The following TMEM275 variants were observed in gnomAD, a reference collection of about 807,000 sequenced individuals.
TMEM275 encodes the protein transmembrane protein 275.
chr1:46,533,097 C>A lies in TMEM275; in HGVS notation c.431G>T (p.Gly144Val), dbSNP rs989239548. ...GGCCTCCAGGGCGAGGGGGCTGGGGCCGGGGCTGGAGCAGCCGGAGGACGC... is the reference window on the plus strand; with the variant it reads ...GGCCTCCAGGGCGAGGGGGCTGGGGACGGGGCTGGAGCAGCCGGAGGACGC... Residue 144 changes from glycine to valine, a missense_variant, in exon 2 of 2, where the codon GGC becomes GTC. Transcript: ENST00000634804. The surrounding 1 kb of genome is among the most constrained non-coding windows in gnomAD (Gnocchi z 4.4). The A allele has an allele frequency of 2.5e-6, 1 of 392,488 alleles. No homozygotes were observed. Among genetic ancestry groups the A allele is most frequent in the Non-Finnish European group, 4.5e-6 (1 of 222,528 alleles). 24.3% of individuals were successfully genotyped at this position (392,488 alleles called of 1,614,324 possible).
Position 46,533,618 on chromosome 1 carries a change from T to G in TMEM275, c.-91A>C. 1 of 367,808 alleles carries G rather than the reference T, an allele frequency of 2.7e-6. No homozygotes were observed. The highest frequency in any genetic ancestry group is 4.8e-6 in the Non-Finnish European group (1 of 207,108). 22.8% of individuals were successfully genotyped at this position (367,808 alleles called of 1,614,324 possible). A position where few individuals can be genotyped will look rare whatever the true frequency, so the allele number is the denominator to read the frequency against. On this transcript the variant is annotated 5_prime_UTR_variant, in exon 2 of 2. Coordinates refer to ENST00000634804, the Ensembl canonical transcript of TMEM275. The surrounding 1 kb of genome is among the most constrained non-coding windows in gnomAD (Gnocchi z 4.4). Reference sequence around the variant, plus strand: ...CAGGAGCCTCCTCACGCTGGTCCTGTGGGCAACTGCCAGGAGCCTCCTCAC... The same window carrying G: ...CAGGAGCCTCCTCACGCTGGTCCTGGGGGCAACTGCCAGGAGCCTCCTCAC...
chr1:46,534,512 G>A (rs1224805776), intron 1 of TMEM275, among the ~76,000 whole-genome samples: 2 of 152,160 alleles, frequency 1.3e-5, no homozygotes, highest in Non-Finnish European at 2.9e-5. Flanking sequence ...CCTAATTGCT[G>A]GATGCTAGAA....
chr1:46,535,216 C>T (rs1471150254), intron 1 of TMEM275, among the ~76,000 whole-genome samples: 1 of 152,124 alleles, frequency 6.6e-6, no homozygotes, highest in Non-Finnish European at 1.5e-5. Flanking sequence ...ACACAGGATG[C>T]GCAGGTCAGA....
chr1:46,533,546 C>A lies in TMEM275; in HGVS notation c.-19G>T. ...GCGGCATCGGCCTGCGCACGCCAGG[C>A]ACGCATCAAGCTCCCTCCTGCCGCC... On this transcript the variant is annotated 5_prime_UTR_variant, in exon 2 of 2. Coordinates refer to ENST00000634804, the Ensembl canonical transcript of TMEM275. This position sits in a 1 kb window ranked among gnomAD's most constrained non-coding sequence, Gnocchi z 4.4. The A allele has an allele frequency of 2.6e-6, 1 of 388,332 alleles. No homozygotes were observed. Among genetic ancestry groups the A allele is most frequent in the Admixed American group, 4.5e-5 (1 of 22,382 alleles). The allele number at this position is 388,332 out of a possible 1,614,324, so 24.1% of individuals were successfully genotyped here. A position where few individuals can be genotyped will look rare whatever the true frequency, so the allele number is the denominator to read the frequency against.
intron 1 of TMEM275, among the ~76,000 whole-genome samples, 78 bp from the exon 3 acceptor site, chr1:46,534,119 C>T (rs1181152140): frequency 6.6e-6 from 1 of 151,912 alleles, no homozygotes; most frequent in Non-Finnish European, 1.5e-5. Context: ...AATCATCTGA[C>T]CTTGCCCCCC....
exon 2 of TMEM275, chr1:46,532,862 G>C: frequency 2.6e-6 from 1 of 384,874 alleles, no homozygotes; most frequent in Non-Finnish European, 4.6e-6. Context: ...CCAGACCCTT[G>C]TAAAAAAGAA....
At chr1:46,532,768 T>C (rs966114501) in exon 2 of TMEM275, 2 of 363,806 alleles carry the variant, frequency 5.5e-6, no homozygotes, top group Non-Finnish European at 9.8e-6. Flanking sequence ...TGCTCCCTTC[T>C]TTGGGGTGTG....
At chr1:46,532,905 TTTTTC>T (rs1205326464) in exon 2 of TMEM275, 6 of 389,624 alleles carry the variant, frequency 1.5e-5, no homozygotes, top group African/African-American at 8.3e-5. Context: ...TTCTTTTTTC[TTTTTC>T]TTTTCTTTCT....
exon 2 of TMEM275, chr1:46,532,617 T>G (rs1666681650): frequency 6.0e-6 from 1 of 166,414 alleles, no homozygotes; most frequent in African/African-American, 2.4e-5. Flanking sequence ...TCAGGGTGGG[T>G]GCTCCTTGGT....
chr1:46,533,468 C>G lies in TMEM275; in HGVS notation c.60G>C (p.Arg20=), dbSNP rs1229893229. The G allele has an allele frequency of 1.3e-5, 5 of 387,748 alleles. No homozygotes were observed. In the South Asian group the frequency reaches 3.8e-4, roughly 30 times the overall value. The allele number at this position is 387,748 out of a possible 1,614,324, so 24.0% of individuals were successfully genotyped here. ...GCGACGGCAGGCCGGGCACCCGGCC[C>G]CGGGCGCGTTCCGCGGGCGCCGGGA... Residue 20 remains arginine (R), a synonymous_variant, in exon 2 of 2, where the codon CGG becomes CGC. Transcript: ENST00000634804. The surrounding 1 kb of genome is among the most constrained non-coding windows in gnomAD (Gnocchi z 4.4).
rs1387599630 is a variant in TMEM275, at chr1:46,533,549, G to T, written c.-22C>A. The T allele has an allele frequency of 5.2e-6, 2 of 387,784 alleles. No homozygotes were observed. The highest frequency in any genetic ancestry group is 6.4e-4 in the Middle Eastern group (1 of 1,552). The allele number at this position is 387,784 out of a possible 1,614,324, so 24.0% of individuals were successfully genotyped here. A position where few individuals can be genotyped will look rare whatever the true frequency, so the allele number is the denominator to read the frequency against. On this transcript the variant is annotated 5_prime_UTR_variant, in exon 2 of 2. Transcript: ENST00000634804. The surrounding 1 kb of genome is among the most constrained non-coding windows in gnomAD (Gnocchi z 4.4). ...GCATCGGCCTGCGCACGCCAGGCAC[G>T]CATCAAGCTCCCTCCTGCCGCCGGC...
intron 1 of TMEM275, among the ~76,000 whole-genome samples, chr1:46,535,419 T>C (rs1173606192): frequency 6.6e-6 from 1 of 152,054 alleles, no homozygotes; most frequent in Non-Finnish European, 1.5e-5. Context: ...TGAGGGCATC[T>C]ACAGACCACA....
At position 46,533,751 on chromosome 1, in the gene TMEM275, A is replaced by C. The variant is rs1177737259; in HGVS notation, c.-123-101T>G. 3 of 360,424 alleles carry C rather than the reference A, an allele frequency of 8.3e-6. No individual in the cohort carries two copies. The highest frequency in any genetic ancestry group is 4.2e-5 in the African/African-American group (2 of 47,272). 22.3% of individuals were successfully genotyped at this position (360,424 alleles called of 1,614,324 possible). On this transcript the variant is annotated intron_variant, in intron 1 of 1. Coordinates refer to ENST00000634804, the Ensembl canonical transcript of TMEM275. This position sits in a 1 kb window ranked among gnomAD's most constrained non-coding sequence, Gnocchi z 4.4. The stretch of plus-strand genomic sequence containing the variant: ...CTGAGTGCCTGGGTGGGCAGAGGTC[A>C]TCTTGGCCAGCCCCCTGCCTCTGCC...
At position 46,533,060 on chromosome 1, in the gene TMEM275, C is replaced by G. The variant is rs954357372; in HGVS notation, c.468G>C (p.Ala156=). Residue 156 remains alanine (A), a synonymous_variant, in exon 2 of 2, where the codon GCG becomes GCC. Transcript: ENST00000634804. The surrounding 1 kb of genome is among the most constrained non-coding windows in gnomAD (Gnocchi z 4.4). Reference sequence around the variant, plus strand: ...CTTCCGAGCGCAGCGCGCAGACGGCCGCGGGCGCCGGGGCCTCCAGGGCGA... The same window carrying G: ...CTTCCGAGCGCAGCGCGCAGACGGCGGCGGGCGCCGGGGCCTCCAGGGCGA... 2.3e-5 allele frequency: 9 copies of G among 395,398 alleles called. No homozygotes were observed. Among genetic ancestry groups the G allele is most frequent in the African/African-American group, 4.1e-5 (2 of 48,530 alleles). 24.5% of individuals were successfully genotyped at this position (395,398 alleles called of 1,614,324 possible).
chr1:46,532,781 C>G (rs1472498519), exon 2 of TMEM275: 1 of 370,726 alleles, frequency 2.7e-6, no homozygotes, highest in Non-Finnish European at 4.8e-6. Flanking sequence ...GGGGTGTGAC[C>G]CCTGACACCA....
chr1:46,534,682 G>A (rs1469137635), intron 1 of TMEM275, among the ~76,000 whole-genome samples, 99 bp from the exon 2 acceptor site: 2 of 152,162 alleles, frequency 1.3e-5, no homozygotes, highest in African/African-American at 2.4e-5. Context: ...GATCATAGTT[G>A]GTACAAAGGC....
rs1262284948 is a variant in TMEM275, at chr1:46,535,099, A to C, written c.-123-1449T>G. 6.6e-6 allele frequency among the ~76,000 whole-genome samples: 1 copy of C among 152,212 alleles called. No individual in the cohort carries two copies. The highest frequency in any genetic ancestry group is 1.9e-4 in the East Asian group (1 of 5,192). On this transcript the variant is annotated intron_variant, in intron 1 of 1. Transcript: ENST00000634804. ...AAACAGAAAAGTTGGGCTGTCTCCC[A>C]GGTGGAGGTACCTTTCTGAGTGTCC...
chr1:46,534,963 G>A (rs991700573), intron 1 of TMEM275, among the ~76,000 whole-genome samples, 148 bp downstream of exon 1: 1 of 152,154 alleles, frequency 6.6e-6, no homozygotes, highest in Non-Finnish European at 1.5e-5. Context: ...TAAATAAAGC[G>A]CTTAGAACAG....
Position 46,533,288 on chromosome 1 carries a change from G to A in TMEM275, c.240C>T (p.Cys80=), listed in dbSNP as rs1666693820. The change falls in exon 2 of 2, where the codon TGC becomes TGT. Residue 80 remains cysteine, a synonymous_variant. Coordinates refer to ENST00000634804, the Ensembl canonical transcript of TMEM275. This position sits in a 1 kb window ranked among gnomAD's most constrained non-coding sequence, Gnocchi z 4.4. The stretch of plus-strand genomic sequence containing the variant: ...CGAGGCCCCGGCGGCTACACACGCA[G>A]CAGGCCGCGAAGAAGCCGAGCGCCA... 1.1e-5 allele frequency: 4 copies of A among 359,390 alleles called. No individual in the cohort carries two copies. Among genetic ancestry groups the A allele is most frequent in the Non-Finnish European group, 2.0e-5 (4 of 200,764 alleles). The allele number at this position is 359,390 out of a possible 1,614,324, so 22.3% of individuals were successfully genotyped here. A position where few individuals can be genotyped will look rare whatever the true frequency, so the allele number is the denominator to read the frequency against.
Sources: allele counts gnomAD v4.1 joint callset (sites outside exome capture counted in the v4.1 genomes callset), GRCh38; gene constraint gnomAD v4.1.1; non-coding constraint Gnocchi (gnomAD v3.1); transcripts MANE v1.5; gene names NCBI Gene and HGNC (gene_info 2026-07-23, HGNC 2026-07-21).